Variants in CAMK1D observed in about 807,000 individuals in gnomAD.
CAMK1D encodes calcium/calmodulin dependent protein kinase ID.
CAMK1D carries 9 observed loss-of-function variants against 47.7 expected under a neutral mutation model. That is an observed-to-expected ratio of 0.19 (90% CI 0.11 to 0.33). The LOEUF (loss-of-function observed/expected upper bound fraction) is 0.33. Ranked by LOEUF, CAMK1D falls within the 10% of genes least tolerant of loss-of-function variation. The pLI is 1.00. For synonymous variants in CAMK1D, 184 were observed against 184.9 expected, an observed-to-expected ratio of 0.99 and a Z score of 0.04; for missense variants, 291 against 488.7, an observed-to-expected ratio of 0.60 and a Z score of 3.81.
At chr10:12,633,545 A>G (rs1564458123) in intron 2 of CAMK1D, among the ~76,000 whole-genome samples, 1 of 152,092 alleles carries the variant, frequency 6.6e-6, no homozygotes, top group East Asian at 1.9e-4. Context: ...CTCCGTGAAA[A>G]CTGAAGAGTT....
At chr10:12,466,267 A>G (rs576780876) in intron 1 of CAMK1D, among the ~76,000 whole-genome samples, 14 of 152,158 alleles carry the variant, frequency 9.2e-5, no homozygotes, top group African/African-American at 3.1e-4. Flanking sequence ...AATTAGCTGG[A>G]TGTGGTGGTG....
intron 6 of CAMK1D, among the ~76,000 whole-genome samples, chr10:12,796,466 G>T (rs981476265): frequency 1.4e-4 from 22 of 152,316 alleles, no homozygotes; most frequent in South Asian, 2.1e-4. Context: ...GGCCTAATCT[G>T]CATGCTTATA....
At chr10:12,624,205 T>C (rs1305476256) in intron 2 of CAMK1D, among the ~76,000 whole-genome samples, 1 of 152,020 alleles carries the variant, frequency 6.6e-6, no homozygotes, top group Non-Finnish European at 1.5e-5. Context: ...CATATGAGAG[T>C]GTGTGCGTGT....
At chr10:12,379,152 A>C (rs72767679) in intron 1 of CAMK1D, among the ~76,000 whole-genome samples, 17,602 of 152,170 alleles carry the variant, frequency 0.12, 1,296 homozygotes, top group Middle Eastern at 0.21. Flanking sequence ...TCTTTGAGGT[A>C]CTATTTTGAA....
At chr10:12,399,665 G>A (rs1045704107) in intron 1 of CAMK1D, among the ~76,000 whole-genome samples, 1 of 152,150 alleles carries the variant, frequency 6.6e-6, no homozygotes, top group Non-Finnish European at 1.5e-5. Context: ...AAACTATAGT[G>A]CTTCCACAGT....
chr10:12,760,765 A>G (rs900420456), intron 3 of CAMK1D, among the ~76,000 whole-genome samples, 183 bp from the exon 4 acceptor site: 1 of 152,046 alleles, frequency 6.6e-6, no homozygotes, highest in African/African-American at 2.4e-5. Context: ...GGTTCCAGAC[A>G]TTTGCTCTGC....
chr10:12,693,238 G>A (rs1228551056), intron 3 of CAMK1D, among the ~76,000 whole-genome samples: 6 of 152,074 alleles, frequency 3.9e-5, no homozygotes, highest in African/African-American at 9.6e-5. Flanking sequence ...GGTGGCGTGC[G>A]CCTGTAGTCT....
rs541660240 is a variant in CAMK1D at position 12,572,040 on chromosome 10, C to T, written c.224+18684C>T. 2.1e-4 allele frequency among the ~76,000 whole-genome samples: 7 copies of T among 33,822 alleles called. No homozygotes were observed. The South Asian group carries it at 5.2e-3, about 25-fold the overall frequency. 22.2% of individuals were successfully genotyped at this position (33,822 alleles called of 152,430 possible). On this transcript the variant is annotated intron_variant, in intron 2 of 10. Transcript: ENST00000619168. ...TAGAAAGCAGCACCCAAAAACTAAA[C>T]CCCCCCCCAAAAAAAAAGTTCTGAT...
At chr10:12,767,843 C>G (rs940604873) in intron 4 of CAMK1D, among the ~76,000 whole-genome samples, 2 of 152,096 alleles carry the variant, frequency 1.3e-5, no homozygotes, top group Non-Finnish European at 2.9e-5. Context: ...ATTTGTCTCC[C>G]GTGAGCAGAG....
At position 12,482,821 on chromosome 10, in the gene CAMK1D, G is replaced by A. The variant is rs563631349; in HGVS notation, c.93-70404G>A. Among the ~76,000 whole-genome samples, 3 of 152,302 alleles carry A rather than the reference G, an allele frequency of 2.0e-5. No homozygotes were observed. The South Asian group carries it at 6.2e-4, about 32-fold the overall frequency. On this transcript the variant is annotated intron_variant, in intron 1 of 10. Transcript: ENST00000619168. ...CTCACCAAAGGGATGTCACGACGGT[G>A]CTGGAGAGCTCCTTGTTCACAGCCG... is the stretch of plus-strand genomic sequence containing the variant.
intron 2 of CAMK1D, among the ~76,000 whole-genome samples, chr10:12,598,267 C>G (rs927919480): frequency 6.6e-5 from 10 of 152,190 alleles, no homozygotes; most frequent in African/African-American, 2.4e-4. Flanking sequence ...GGTAGGACAT[C>G]ATGGCAGAGC....
At chr10:12,521,587 G>A (rs1021093200) in intron 1 of CAMK1D, among the ~76,000 whole-genome samples, 2 of 152,140 alleles carry the variant, frequency 1.3e-5, no homozygotes, top group Non-Finnish European at 2.9e-5. Context: ...AGTGAGTAGA[G>A]TGTAAATTAG....
chr10:12,585,781 T>C (rs531129567), intron 2 of CAMK1D, among the ~76,000 whole-genome samples: 105 of 152,174 alleles, frequency 6.9e-4, no homozygotes, highest in Non-Finnish European at 1.4e-3. Context: ...CAAGATGAGA[T>C]TTGGGTGGGG....
intron 1 of CAMK1D, among the ~76,000 whole-genome samples, chr10:12,422,602 G>C (rs891262827): frequency 6.6e-6 from 1 of 152,196 alleles, no homozygotes; most frequent in African/African-American, 2.4e-5. Flanking sequence ...GAAATGGAAA[G>C]CAGGATTTGG....
chr10:12,391,072 C>G (rs1039895561), intron 1 of CAMK1D, among the ~76,000 whole-genome samples: 23 of 152,108 alleles, frequency 1.5e-4, no homozygotes, highest in African/African-American at 5.3e-4. Flanking sequence ...ACTGTCTTCT[C>G]TCGTGAATGA....
chr10:12,569,557 A>C (rs1837251943), intron 2 of CAMK1D, among the ~76,000 whole-genome samples: 1 of 149,938 alleles, frequency 6.7e-6, no homozygotes, highest in South Asian at 2.1e-4. Context: ...AAAAATACAA[A>C]AAAAAAAAAA....
chr10:12,425,484 G>A (rs1481876005), intron 1 of CAMK1D, among the ~76,000 whole-genome samples: 1 of 152,024 alleles, frequency 6.6e-6, no homozygotes, highest in Non-Finnish European at 1.5e-5. Flanking sequence ...GTTTCACCAC[G>A]TTGGCCAGGC....
intron 1 of CAMK1D, among the ~76,000 whole-genome samples, chr10:12,379,372 G>T (rs926569874): frequency 1.3e-4 from 20 of 152,152 alleles, no homozygotes; most frequent in Non-Finnish European, 2.6e-4. Flanking sequence ...ATTTAGGGTC[G>T]TGATGAGGTT....
At chr10:12,796,605 A>G (rs902064606) in intron 6 of CAMK1D, among the ~76,000 whole-genome samples, 1 of 152,106 alleles carries the variant, frequency 6.6e-6, no homozygotes, top group Non-Finnish European at 1.5e-5. Flanking sequence ...CCCAGAGAGA[A>G]TGCAGCGTGG....
Sources: allele counts gnomAD v4.1 joint callset (sites outside exome capture counted in the v4.1 genomes callset), GRCh38; gene constraint gnomAD v4.1.1; transcripts MANE v1.5; gene names NCBI Gene and HGNC (gene_info 2026-07-23, HGNC 2026-07-21).